PRKN: variants seen among roughly 807,000 people sequenced by gnomAD.
The protein encoded by PRKN is E3 ubiquitin-protein ligase parkin.
Under a neutral mutation model 59.5 loss-of-function variants are expected in PRKN, and 56 were observed. The ratio of observed to expected loss-of-function variants is 0.94; its 90% confidence interval spans 0.76 to 1.18. The LOEUF (loss-of-function observed/expected upper bound fraction) is 1.18. Among genes scored for constraint, PRKN ranks in the 50% most tolerant of loss-of-function variants. The probability of loss-of-function intolerance (pLI) is 0.00; values close to 1 mark genes in which losing one functional copy is unlikely to be tolerated. For synonymous variants in PRKN, 250 were observed against 222.1 expected, an observed-to-expected ratio of 1.13 and a Z score of -1.12; for missense variants, 657 against 596.4, an observed-to-expected ratio of 1.10 and a Z score of -1.06.
intron 1 of PRKN, among the ~76,000 whole-genome samples, chr6:162,579,083 T>G (rs1404280833): frequency 1.3e-5 from 2 of 151,736 alleles, no homozygotes; most frequent in Admixed American, 1.3e-4. Flanking sequence ...ATGTTACATA[T>G]TCTTCTTTGA....
At chr6:162,511,199 T>C (rs983327644) in intron 1 of PRKN, among the ~76,000 whole-genome samples, 4 of 152,134 alleles carry the variant, frequency 2.6e-5, no homozygotes, top group African/African-American at 4.8e-5. Context: ...AATTTAATAT[T>C]ACTTTTTTTT....
At chr6:161,491,205 G>T (rs979512112) in intron 9 of PRKN, among the ~76,000 whole-genome samples, 2 of 152,142 alleles carry the variant, frequency 1.3e-5, no homozygotes, top group African/African-American at 4.8e-5. Context: ...AAATGATTTG[G>T]TTCTCTTAGA....
chr6:161,924,843 G>A (rs1231993743), intron 6 of PRKN, among the ~76,000 whole-genome samples: 4 of 152,214 alleles, frequency 2.6e-5, no homozygotes, highest in African/African-American at 9.7e-5. Flanking sequence ...TAACAGGCAG[G>A]AAGATGAGAT....
rs1315134059 is a variant in PRKN, at chr6:161,785,841, A to G, written c.802T>C (p.Cys268Arg). The change falls in exon 7 of 12, where the codon TGT becomes CGT. Residue 268 changes from cysteine to arginine, a missense_variant. Coordinates refer to ENST00000366898, the MANE Select transcript of PRKN (RefSeq NM_004562.3). ...VICLDCFHLYCVTRLNDRQFV... is the reference protein window; with the variant it reads ...VICLDCFHLYRVTRLNDRQFV... ...TGCCGATCATTGAGTCTTGTCACAC[A>G]GTATAAGTGGAAACAGTCTAAGCAA... is the stretch of plus-strand genomic sequence containing the variant. 2.5e-6 allele frequency: 4 copies of G among 1,614,172 alleles called. No homozygotes were observed. The highest frequency in any genetic ancestry group is 3.4e-6 in the Non-Finnish European group (4 of 1,179,998).
intron 6 of PRKN, among the ~76,000 whole-genome samples, chr6:161,908,522 T>C (rs1223827904): frequency 6.6e-6 from 1 of 152,206 alleles, no homozygotes; most frequent in East Asian, 1.9e-4. Flanking sequence ...TTAAATCATT[T>C]TGACAGAGGT....
chr6:162,685,451 T>C (rs1035543483), intron 1 of PRKN, among the ~76,000 whole-genome samples: 1 of 152,096 alleles, frequency 6.6e-6, no homozygotes, highest in African/African-American at 2.4e-5. Context: ...ATTAGAAATA[T>C]GAAAAGCACT....
intron 6 of PRKN, among the ~76,000 whole-genome samples, chr6:161,815,949 TA>T (rs1180926854): frequency 3.3e-5 from 5 of 152,176 alleles, no homozygotes; most frequent in African/African-American, 1.2e-4. Flanking sequence ...GGCAATTTCT[TA>T]AAAAGGTGAA....
Position 162,323,220 on chromosome 6 carries a change from A to G in PRKN, c.172-60455T>C, listed in dbSNP as rs565965687. 4.8e-4 allele frequency among the ~76,000 whole-genome samples: 73 copies of G among 151,924 alleles called. 1 individual carries two copies. The highest frequency in any genetic ancestry group is 1.7e-3 in the African/African-American group (70 of 41,348). On this transcript the variant is annotated intron_variant, in intron 2 of 11. Coordinates refer to ENST00000366898, the MANE Select transcript of PRKN (RefSeq NM_004562.3). The stretch of plus-strand genomic sequence containing the variant: ...TGTGCACATGTACCCTAAAACTTAA[A>G]GTATAATAAAAAAAAAATGAACTTG...
rs111882249 is a variant in PRKN at position 162,582,047 on chromosome 6, G to C, written c.8-138574C>G. Among the ~76,000 whole-genome samples the C allele has an allele frequency of 3.8e-3, 572 of 152,306 alleles. 3 individuals carry two copies. Among genetic ancestry groups the C allele is most frequent in the Non-Finnish European group, 6.3e-3 (430 of 68,028 alleles). The stretch of plus-strand genomic sequence containing the variant: ...TTTGAATTATTTCCAAATGCAGAGT[G>C]CTAACCACTATAGTCAAGTCATTTA... On this transcript the variant is annotated intron_variant, in intron 1 of 11. Transcript: ENST00000366898.
chr6:161,892,852 T>C (rs2128232526), intron 6 of PRKN, among the ~76,000 whole-genome samples: 1 of 152,356 alleles, frequency 6.6e-6, no homozygotes, highest in East Asian at 1.9e-4. Flanking sequence ...CAATATTTAG[T>C]TGTTTTATGA....
At chr6:161,485,114 T>A (rs1791589715) in intron 9 of PRKN, among the ~76,000 whole-genome samples, 1 of 152,188 alleles carries the variant, frequency 6.6e-6, no homozygotes, top group South Asian at 2.1e-4. Flanking sequence ...TAAATCAACA[T>A]TCAGGCTATA....
intron 1 of PRKN, among the ~76,000 whole-genome samples, chr6:162,591,540 A>C (rs1781308375): frequency 6.6e-6 from 1 of 152,142 alleles, no homozygotes. Context: ...AAAATGACTA[A>C]AAGGAACATT....
At chr6:161,927,694 G>A (rs762971366) in intron 6 of PRKN, among the ~76,000 whole-genome samples, 213 of 152,052 alleles carry the variant, frequency 1.4e-3, no homozygotes, top group Non-Finnish European at 2.3e-3. Context: ...TACTTTGCTT[G>A]AACTTGGGAG....
intron 7 of PRKN, among the ~76,000 whole-genome samples, chr6:161,762,232 C>T (rs1199346437): frequency 6.6e-6 from 1 of 152,170 alleles, no homozygotes; most frequent in Non-Finnish European, 1.5e-5. Context: ...AAAATGGAAT[C>T]TCAATTAGCA....
chr6:161,944,108 A>G (rs548062721), intron 6 of PRKN, among the ~76,000 whole-genome samples: 47 of 120,256 alleles, frequency 3.9e-4, no homozygotes, highest in African/African-American at 1.0e-3. Context: ...CAGCCTGAGG[A>G]ATCAGCCTGA....
At chr6:161,637,297 C>G (rs939980660) in intron 7 of PRKN, among the ~76,000 whole-genome samples, 3 of 151,902 alleles carry the variant, frequency 2.0e-5, no homozygotes, top group African/African-American at 7.3e-5. Flanking sequence ...GCCTGGCAGG[C>G]AAGGAGGTTA....
At chr6:162,209,404 A>T (rs1462218734) in intron 3 of PRKN, among the ~76,000 whole-genome samples, 1 of 152,188 alleles carries the variant, frequency 6.6e-6, no homozygotes, top group East Asian at 1.9e-4. Flanking sequence ...CCACAATGAG[A>T]TACCATCTCA....
intron 6 of PRKN, among the ~76,000 whole-genome samples, chr6:161,899,786 T>C (rs941015868): frequency 2.0e-5 from 3 of 152,200 alleles, no homozygotes; most frequent in African/African-American, 4.8e-5. Flanking sequence ...ACTATGTGTG[T>C]ATTGTGGGAT....
intron 2 of PRKN, among the ~76,000 whole-genome samples, chr6:162,348,190 G>A (rs888319207): frequency 9.9e-5 from 15 of 152,192 alleles, no homozygotes; most frequent in African/African-American, 3.4e-4. Flanking sequence ...AAACCTTGCT[G>A]GTTCACAGAG....
Sources: allele counts gnomAD v4.1 joint callset (sites outside exome capture counted in the v4.1 genomes callset), GRCh38; gene constraint gnomAD v4.1.1; transcripts MANE v1.5; gene names NCBI Gene and HGNC (gene_info 2026-07-23, HGNC 2026-07-21).